TNR: variants seen among roughly 807,000 people sequenced by gnomAD.
TNR encodes the protein tenascin R.
In TNR, 45 loss-of-function variants were observed where a neutral mutation model predicts 150.4. The observed-to-expected ratio is 0.30, with a 90% confidence interval of 0.24 to 0.38. The LOEUF is 0.38. Ranked by LOEUF, TNR falls within the 10% of genes least tolerant of loss-of-function variation. TNR has a pLI of 1.00. For synonymous variants in TNR, 687 were observed against 678.4 expected, an observed-to-expected ratio of 1.01 and a Z score of -0.20; for missense variants, 1,544 against 1,759.1, an observed-to-expected ratio of 0.88 and a Z score of 2.19.
chr1:175,507,679 C>G (rs1287524615), intron 2 of TNR, among the ~76,000 whole-genome samples: 2 of 152,164 alleles, frequency 1.3e-5, no homozygotes, highest in Non-Finnish European at 2.9e-5. Context: ...ATAATGAACT[C>G]CTACATATCC....
At chr1:175,630,005 G>C (rs1293544125) in intron 1 of TNR, among the ~76,000 whole-genome samples, 1 of 152,128 alleles carries the variant, frequency 6.6e-6, no homozygotes, top group Admixed American at 6.5e-5. Flanking sequence ...GGACTTTCTG[G>C]TGTGTCCTCT....
intron 1 of TNR, among the ~76,000 whole-genome samples, chr1:175,530,363 C>A (rs1216322093): frequency 6.6e-6 from 1 of 152,164 alleles, no homozygotes; most frequent in Non-Finnish European, 1.5e-5. Flanking sequence ...TGGCTCTGGG[C>A]TGCCCCCAGG....
intron 18 of TNR, among the ~76,000 whole-genome samples, chr1:175,346,893 A>G (rs1218836336): frequency 6.6e-6 from 1 of 151,654 alleles, no homozygotes; most frequent in African/African-American, 2.4e-5. Context: ...CAAAAGAAAA[A>G]AAAAAAAAAG....
chr1:175,657,840 C>A (rs989790530), intron 1 of TNR, among the ~76,000 whole-genome samples: 39 of 88,460 alleles, frequency 4.4e-4, no homozygotes, highest in East Asian at 3.5e-3. Context: ...TGCAGCACAC[C>A]AACATGGAAC....
chr1:175,659,381 C>A (rs963655824), intron 1 of TNR, among the ~76,000 whole-genome samples: 8 of 152,194 alleles, frequency 5.3e-5, no homozygotes, highest in African/African-American at 1.9e-4. Flanking sequence ...GAGCAAGCTG[C>A]TTTTAAAGAC....
At position 175,344,375 on chromosome 1, in the gene TNR, T is replaced by C. The variant is rs183694330; in HGVS notation, c.3383-6696A>G. On this transcript the variant is annotated intron_variant, in intron 18 of 22. Transcript: ENST00000367674. ...TTAACTTTAGGAAGTTGACACTAAT[T>C]GGCCTTAGGGTTCCTGCCTTCATAC... 1.4e-4 allele frequency among the ~76,000 whole-genome samples: 21 copies of C among 152,322 alleles called. No individual in the cohort carries two copies. The East Asian group carries it at 4.1e-3, about 29-fold the overall frequency.
chr1:175,481,446 G>A (rs1394599848), intron 2 of TNR, among the ~76,000 whole-genome samples: 2 of 152,126 alleles, frequency 1.3e-5, no homozygotes, highest in African/African-American at 4.8e-5. Flanking sequence ...CCTTCCATCA[G>A]TAAGACCCTC....
chr1:175,329,376 A>C (rs1649588553), intron 21 of TNR, among the ~76,000 whole-genome samples: 2 of 152,240 alleles, frequency 1.3e-5, no homozygotes, highest in Non-Finnish European at 2.9e-5. Context: ...GTTCTGAAAA[A>C]ACTACTAATG....
intron 2 of TNR, among the ~76,000 whole-genome samples, chr1:175,477,863 G>A (rs868696945): frequency 8.5e-5 from 13 of 152,178 alleles, no homozygotes; most frequent in Admixed American, 5.9e-4. Context: ...ACTCCCTTCC[G>A]CAGTCCTTCA....
chr1:175,451,512 C>T (rs1421693996), intron 2 of TNR, among the ~76,000 whole-genome samples: 2 of 152,154 alleles, frequency 1.3e-5, no homozygotes, highest in Non-Finnish European at 2.9e-5. Flanking sequence ...GGTGCTCTGC[C>T]ATGCCATGTG....
intron 1 of TNR, among the ~76,000 whole-genome samples, chr1:175,651,741 T>C (rs1353329855): frequency 6.6e-6 from 1 of 151,908 alleles, no homozygotes; most frequent in Admixed American, 6.6e-5. Context: ...ATTGTGAGCC[T>C]AAAACTGCGT....
chr1:175,390,031 A>G (rs1487313721), intron 7 of TNR, among the ~76,000 whole-genome samples: 1 of 151,784 alleles, frequency 6.6e-6, no homozygotes, highest in Non-Finnish European at 1.5e-5. Flanking sequence ...GAGGCATGAA[A>G]GAGGGAGTAA....
chr1:175,554,107 G>A (rs1002968919), intron 1 of TNR, among the ~76,000 whole-genome samples: 8 of 152,216 alleles, frequency 5.3e-5, no homozygotes, highest in Admixed American at 3.9e-4. Context: ...TCAAAGGCCC[G>A]CTGCATATAT....
At chr1:175,479,200 TA>T (rs1259756888) in intron 2 of TNR, among the ~76,000 whole-genome samples, 1 of 152,218 alleles carries the variant, frequency 6.6e-6, no homozygotes, top group Non-Finnish European at 1.5e-5. Flanking sequence ...TCTGGCTCCC[TA>T]AATGGTTGCC....
rs114243958 is a variant in TNR at position 175,607,879 on chromosome 1, G to A, written c.-164-79510C>T. ...TCATGAGGCTTTCCTGAACATTAAC[G>A]ATGTAGTATACTTAAAGGAATTATG... On this transcript the variant is annotated intron_variant, in intron 1 of 22. Transcript: ENST00000367674. Among the ~76,000 whole-genome samples the A allele has an allele frequency of 2.8e-3, 432 of 152,308 alleles. 5 individuals are homozygous for A. Among genetic ancestry groups the A allele is most frequent in the African/African-American group, 8.9e-3 (371 of 41,570 alleles).
intron 7 of TNR, 121 bp from the exon 8 acceptor site, chr1:175,386,422 T>C (rs916791246): frequency 9.2e-6 from 10 of 1,083,332 alleles, no homozygotes; most frequent in Non-Finnish European, 1.3e-5. Context: ...GTATTGTTAC[T>C]GCATTTTACA....
At chr1:175,515,386 T>G (rs1319361305) in intron 2 of TNR, among the ~76,000 whole-genome samples, 1 of 152,166 alleles carries the variant, frequency 6.6e-6, no homozygotes, top group Non-Finnish European at 1.5e-5. Context: ...TAAGGAAACA[T>G]GGGCGCCTAA....
At chr1:175,724,231 C>T (rs927966287) in intron 1 of TNR, among the ~76,000 whole-genome samples, 1 of 152,134 alleles carries the variant, frequency 6.6e-6, no homozygotes, top group Admixed American at 6.5e-5. Context: ...GCAGGCTGTA[C>T]AGGAAGCATG....
intron 1 of TNR, among the ~76,000 whole-genome samples, chr1:175,535,491 C>T (rs896592369): frequency 5.9e-5 from 9 of 151,744 alleles, no homozygotes; most frequent in Middle Eastern, 3.4e-3. Context: ...GACGGAGTCT[C>T]GCTCTGTCGC....
Sources: gnomAD v4.1 joint callset for allele counts (sites outside exome capture counted in the v4.1 genomes callset) on GRCh38, gnomAD v4.1.1 for gene constraint, MANE v1.5 for transcripts, NCBI Gene and HGNC (gene_info 2026-07-23, HGNC 2026-07-21) for gene names.